VEPH1: variants seen among roughly 807,000 people sequenced by gnomAD.
The protein encoded by VEPH1 is ventricular zone expressed PH domain containing 1.
VEPH1 carries 80 observed loss-of-function variants against 85.2 expected under a neutral mutation model. The ratio of observed to expected loss-of-function variants is 0.94; its 90% CI spans 0.78 to 1.13. The LOEUF (loss-of-function observed/expected upper bound fraction) is 1.13, where lower values mean the gene tolerates loss of function less well. Among genes scored for constraint, VEPH1 ranks in the 50% most tolerant of loss-of-function variants. The probability of loss-of-function intolerance (pLI) is 0.00; values close to 1 mark genes in which losing one functional copy is unlikely to be tolerated. For synonymous variants in VEPH1, 297 were observed against 348.0 expected (o/e 0.85, Z 1.63); for missense variants, 955 against 980.5 (o/e 0.97, Z 0.35).
intron 9 of VEPH1, among the ~76,000 whole-genome samples, chr3:157,332,868 T>C (rs1269408807): frequency 1.3e-5 from 2 of 152,200 alleles, no homozygotes; most frequent in Non-Finnish European, 2.9e-5. Context: ...AACTTAAAAA[T>C]AAAACTGTCA....
intron 7 of VEPH1, among the ~76,000 whole-genome samples, chr3:157,371,725 G>T (rs1414148316): frequency 6.6e-6 from 1 of 152,246 alleles, no homozygotes; most frequent in African/African-American, 2.4e-5. Context: ...CACTAATTCT[G>T]TAGTAAGGTA....
At chr3:157,347,213 C>T (rs749563750) in intron 9 of VEPH1, among the ~76,000 whole-genome samples, 3 of 151,858 alleles carry the variant, frequency 2.0e-5, no homozygotes, top group Admixed American at 6.6e-5. Context: ...AAAAAAAACC[C>T]ATGGTGTACC....
intron 9 of VEPH1, among the ~76,000 whole-genome samples, chr3:157,332,366 C>T (rs1446072740): frequency 3.9e-5 from 6 of 152,102 alleles, no homozygotes; most frequent in African/African-American, 1.2e-4. Context: ...CTAAATGGAA[C>T]CCCCACATCT....
intron 4 of VEPH1, among the ~76,000 whole-genome samples, chr3:157,444,140 T>A (rs772113506): frequency 3.1e-4 from 47 of 152,276 alleles, no homozygotes; most frequent in Non-Finnish European, 4.6e-4. Flanking sequence ...CTCCTGTAGA[T>A]TCTATGTGAG....
chr3:157,307,657 A>C (rs941168456), intron 11 of VEPH1, among the ~76,000 whole-genome samples: 1 of 151,870 alleles, frequency 6.6e-6, no homozygotes, highest in Non-Finnish European at 1.5e-5. Flanking sequence ...TGTACCATAA[A>C]AATTTCCTCC....
At chr3:157,390,962 G>A (rs754422202) in intron 6 of VEPH1, among the ~76,000 whole-genome samples, 7 of 152,360 alleles carry the variant, frequency 4.6e-5, no homozygotes, top group Middle Eastern at 3.4e-3. Flanking sequence ...CGCCCAAAGC[G>A]GAAGCTGCTT....
chr3:157,375,971 C>T (rs961820248), intron 7 of VEPH1, among the ~76,000 whole-genome samples: 5 of 152,174 alleles, frequency 3.3e-5, no homozygotes, highest in Non-Finnish European at 7.4e-5. Context: ...TCTTTTTCCC[C>T]CATGACTTTC....
chr3:157,437,774 T>C, intron 4 of VEPH1: 1 of 1,481,488 alleles, frequency 6.7e-7, no homozygotes. Flanking sequence ...GGCCGCAGGC[T>C]GGCGCGTATG....
intron 1 of VEPH1, among the ~76,000 whole-genome samples, chr3:157,496,469 C>G: frequency 6.6e-6 from 1 of 152,252 alleles, no homozygotes; most frequent in South Asian, 2.1e-4. Context: ...GTCCAGTGCA[C>G]TTCCCTCACA....
intron 2 of VEPH1, among the ~76,000 whole-genome samples, chr3:157,483,746 C>G (rs1682387581): frequency 6.6e-6 from 1 of 150,510 alleles, no homozygotes; most frequent in Admixed American, 6.6e-5. Context: ...TAAAATAGGA[C>G]AGAATACGAC....
chr3:157,265,487 C>T, intron 13 of VEPH1, 39 bp downstream of exon 13: 1 of 1,597,414 alleles, frequency 6.3e-7, no homozygotes, highest in East Asian at 2.2e-5. Context: ...AGATCAAAAC[C>T]TTAAAAATGC....
chr3:157,485,181 GT>G (rs1397190670), intron 2 of VEPH1, among the ~76,000 whole-genome samples: 1 of 152,076 alleles, frequency 6.6e-6, no homozygotes, highest in Non-Finnish European at 1.5e-5. Flanking sequence ...ATAAGTTTCT[GT>G]TTCAGTGCCA....
chr3:157,477,694 T>A (rs1737615666), intron 2 of VEPH1, among the ~76,000 whole-genome samples: 1 of 152,154 alleles, frequency 6.6e-6, no homozygotes, highest in Non-Finnish European at 1.5e-5. Context: ...CAAGCCTCTG[T>A]CATCAGTCAC....
intron 4 of VEPH1, among the ~76,000 whole-genome samples, chr3:157,445,620 A>C (rs1189356230): frequency 6.6e-6 from 1 of 150,836 alleles, no homozygotes; most frequent in African/African-American, 2.5e-5. Flanking sequence ...ACTCTGTCTC[A>C]AAATAAGTAA....
intron 11 of VEPH1, among the ~76,000 whole-genome samples, chr3:157,294,745 T>G (rs1357592909): frequency 5.3e-5 from 8 of 152,180 alleles, no homozygotes; most frequent in Admixed American, 1.3e-4. Flanking sequence ...TTCTGCACAG[T>G]TAGGGCTTTT....
chr3:157,475,788 A>C (rs1027664075), intron 2 of VEPH1, among the ~76,000 whole-genome samples: 3 of 152,216 alleles, frequency 2.0e-5, no homozygotes, highest in Admixed American at 6.5e-5. Flanking sequence ...GTGACCCTGA[A>C]AGACAAAAAT....
chr3:157,382,051 T>G (rs1728838766), intron 6 of VEPH1, among the ~76,000 whole-genome samples: 1 of 152,210 alleles, frequency 6.6e-6, no homozygotes, highest in African/African-American at 2.4e-5. Flanking sequence ...AAAGTGAGCC[T>G]TGACCCTGGC....
At chr3:157,491,650 T>C (rs1016009741) in intron 2 of VEPH1, among the ~76,000 whole-genome samples, 3 of 152,132 alleles carry the variant, frequency 2.0e-5, no homozygotes, top group Non-Finnish European at 4.4e-5. Flanking sequence ...GTTTGCCACA[T>C]TTTTGGATTC....
chr3:157,263,978 C>G (rs936941816), intron 13 of VEPH1, among the ~76,000 whole-genome samples: 4 of 152,174 alleles, frequency 2.6e-5, no homozygotes, highest in African/African-American at 7.2e-5. Context: ...GGTACCCAGA[C>G]AGCTGGGAAA....
Sources: allele counts gnomAD v4.1 joint callset (sites outside exome capture counted in the v4.1 genomes callset), GRCh38; gene constraint gnomAD v4.1.1; transcripts MANE v1.5; gene names NCBI Gene and HGNC (gene_info 2026-07-23, HGNC 2026-07-21).